Variants in MACROD2 observed in about 807,000 individuals in gnomAD.
MACROD2 encodes mono-ADP ribosylhydrolase 2, also known as ADP-ribose glycohydrolase MACROD2.
A neutral mutation model predicts 70.4 loss-of-function variants in MACROD2; 36 were observed. The ratio of observed to expected loss-of-function variants is 0.51; its 90% CI spans 0.39 to 0.68. MACROD2 has a LOEUF of 0.68. Among genes scored for constraint, MACROD2 ranks in the 30% least tolerant of loss-of-function variants. The pLI is 0.00. For missense variants in MACROD2, 496 were observed against 538.4 expected, an observed-to-expected ratio of 0.92 and a Z score of 0.78; for synonymous variants, 172 against 178.8, an observed-to-expected ratio of 0.96 and a Z score of 0.30.
chr20:15,639,803 T>TG (rs869045190), intron 8 of MACROD2, among the ~76,000 whole-genome samples: 1 of 147,454 alleles, frequency 6.8e-6, no homozygotes, highest in African/African-American at 2.5e-5. Context: ...GAAAAGAGAG[T>TG]GGGGGGAAAG....
chr20:14,985,685 C>CTTTTTTTTTT (rs57486090), intron 5 of MACROD2, among the ~76,000 whole-genome samples: 1 of 115,358 alleles, frequency 8.7e-6, no homozygotes, highest in African/African-American at 2.9e-5. Flanking sequence ...TTCTCTTATT[C>CTTTTTTTTTT]TTTTTTTTTT....
chr20:15,853,773 A>G (rs977801079), intron 8 of MACROD2, among the ~76,000 whole-genome samples: 7 of 152,194 alleles, frequency 4.6e-5, no homozygotes, highest in African/African-American at 1.7e-4. Context: ...TTTAGCCTGT[A>G]ACACCCTGAA....
chr20:15,662,832 A>T (rs1227728502), intron 8 of MACROD2, among the ~76,000 whole-genome samples: 2 of 151,486 alleles, frequency 1.3e-5, no homozygotes, highest in African/African-American at 2.4e-5. Context: ...TGGTATGTTG[A>T]TGAGTGGGGC....
chr20:15,328,151 G>A (rs377038878), intron 6 of MACROD2, among the ~76,000 whole-genome samples: 2 of 151,966 alleles, frequency 1.3e-5, no homozygotes, highest in East Asian at 3.9e-4. Context: ...GCCTCATTAG[G>A]AAGGTAATAG....
intron 3 of MACROD2, among the ~76,000 whole-genome samples, chr20:14,230,023 G>A (rs1043366111): frequency 3.9e-5 from 6 of 152,242 alleles, no homozygotes; most frequent in Middle Eastern, 3.4e-3. Context: ...CTAAAAACAT[G>A]TACATACCTT....
At chr20:15,016,997 G>C (rs1351938069) in intron 5 of MACROD2, among the ~76,000 whole-genome samples, 1 of 152,036 alleles carries the variant, frequency 6.6e-6, no homozygotes, top group Admixed American at 6.6e-5. Flanking sequence ...TGCTGCCCTT[G>C]GCCCCTCCAA....
At chr20:14,868,742 C>T (rs371365) in intron 5 of MACROD2, among the ~76,000 whole-genome samples, 37,959 of 152,002 alleles carry the variant, frequency 0.25, 5,488 homozygotes, top group Non-Finnish European at 0.33. Flanking sequence ...ATTCTGATAG[C>T]TCCTCCTCAA....
At chr20:15,798,434 G>T (rs779491971) in intron 8 of MACROD2, among the ~76,000 whole-genome samples, 6 of 152,124 alleles carry the variant, frequency 3.9e-5, no homozygotes, top group Non-Finnish European at 7.3e-5. Context: ...ACAGCATGGT[G>T]TCTGAGTTCT....
At chr20:14,184,311 G>A (rs1266615975) in intron 3 of MACROD2, among the ~76,000 whole-genome samples, 1 of 151,928 alleles carries the variant, frequency 6.6e-6, no homozygotes, top group Non-Finnish European at 1.5e-5. Context: ...GCTTGTTTTT[G>A]TCAGGGTTGA....
At chr20:15,218,874 GTC>G (rs2076833369) in intron 5 of MACROD2, among the ~76,000 whole-genome samples, 1 of 150,658 alleles carries the variant, frequency 6.6e-6, no homozygotes. Flanking sequence ...TGAAACACTT[GTC>G]TCTACTAAAA....
intron 5 of MACROD2, among the ~76,000 whole-genome samples, chr20:14,782,213 C>T (rs989121509): frequency 7.2e-5 from 11 of 151,866 alleles, no homozygotes; most frequent in South Asian, 2.1e-4. Flanking sequence ...CATGAGCTAC[C>T]GTACCCAGCC....
intron 6 of MACROD2, among the ~76,000 whole-genome samples, chr20:15,286,762 G>T (rs1448188177): frequency 2.6e-5 from 4 of 152,144 alleles, no homozygotes. Context: ...TTGAGTAAAA[G>T]TTTCTTAGAT....
chr20:14,245,762 T>A lies in MACROD2; in HGVS notation c.271+160034T>A, dbSNP rs2081964047. On this transcript the variant is annotated intron_variant, in intron 3 of 17. Transcript: ENST00000684519. ...GGAGAGAGTGGGATCATTGTCCTGT[T>A]CCCATTGCCATCACCTCTACCCCTA... Among the ~76,000 whole-genome samples the A allele has an allele frequency of 2.0e-5, 3 of 152,110 alleles. No homozygotes were observed. The South Asian group carries it at 6.2e-4, about 32-fold the overall frequency.
intron 5 of MACROD2, among the ~76,000 whole-genome samples, chr20:15,125,919 A>C (rs1044690303): frequency 9.1e-5 from 11 of 120,718 alleles, no homozygotes; most frequent in Non-Finnish European, 2.1e-4. Context: ...GACATTTCAT[A>C]TAAATACAGT....
At position 14,441,090 on chromosome 20, in the gene MACROD2, A is replaced by C. The variant is rs73901255; in HGVS notation, c.272-52389A>C. Among the ~76,000 whole-genome samples, 2 of 152,158 alleles carry C rather than the reference A, an allele frequency of 1.3e-5. 1 individual carries two copies. Among genetic ancestry groups the C allele is most frequent in the South Asian group, 4.1e-4 (2 of 4,826 alleles). Reference sequence around the variant, plus strand: ...ACATGTGCATTATTTATGTCTGTACATCTTTTGAATTTGGGGTGATCTTAT... The same window carrying C: ...ACATGTGCATTATTTATGTCTGTACCTCTTTTGAATTTGGGGTGATCTTAT... On this transcript the variant is annotated intron_variant, in intron 3 of 17. Coordinates refer to ENST00000684519, the MANE Select transcript of MACROD2 (RefSeq NM_001351661.2).
intron 6 of MACROD2, among the ~76,000 whole-genome samples, chr20:15,235,586 T>C (rs936965545): frequency 2.6e-5 from 4 of 152,218 alleles, no homozygotes; most frequent in Admixed American, 2.6e-4. Flanking sequence ...CACTGTAGTG[T>C]AGGTTTTCAT....
chr20:15,508,036 G>T (rs995624264), intron 8 of MACROD2, among the ~76,000 whole-genome samples: 1 of 152,160 alleles, frequency 6.6e-6, no homozygotes, highest in African/African-American at 2.4e-5. Flanking sequence ...GCTCATCAAA[G>T]TTCAACAAAT....
intron 10 of MACROD2, among the ~76,000 whole-genome samples, chr20:15,931,903 G>A (rs1270323232): frequency 6.6e-6 from 1 of 152,108 alleles, no homozygotes; most frequent in African/African-American, 2.4e-5. Flanking sequence ...CACTGCTTCT[G>A]AGGCTTTTGT....
chr20:15,067,141 T>G lies in MACROD2; in HGVS notation c.419-162799T>G, dbSNP rs116574676. On this transcript the variant is annotated intron_variant, in intron 5 of 17. Coordinates refer to ENST00000684519, the MANE Select transcript of MACROD2 (RefSeq NM_001351661.2). Reference sequence around the variant, plus strand: ...TAGAGAAAGTTCATTAGCAATTTTATTAAGAAATGCAACTAATTTTTAAGT... The same window carrying G: ...TAGAGAAAGTTCATTAGCAATTTTAGTAAGAAATGCAACTAATTTTTAAGT... Among the ~76,000 whole-genome samples, 1,379 of 152,268 alleles carry G rather than the reference T, an allele frequency of 9.1e-3. 23 individuals are homozygous for G. The highest frequency in any genetic ancestry group is 0.031 in the African/African-American group (1,300 of 41,546).
Sources: allele counts gnomAD v4.1 joint callset (sites outside exome capture counted in the v4.1 genomes callset), GRCh38; gene constraint gnomAD v4.1.1; transcripts MANE v1.5; gene names NCBI Gene and HGNC (gene_info 2026-07-23, HGNC 2026-07-21).